The following CPS1 variants were observed in gnomAD, a reference collection of about 807,000 sequenced individuals.
The protein encoded by CPS1 is carbamoyl-phosphate synthase [ammonia], mitochondrial.
In CPS1, 109 loss-of-function variants were observed where a neutral mutation model predicts 174.6. That is an observed-to-expected ratio of 0.62 (90% CI 0.53 to 0.73). The LOEUF (loss-of-function observed/expected upper bound fraction) is 0.73, where lower values mean the gene tolerates loss of function less well. CPS1 is among the 30% of genes least tolerant of loss of function. CPS1 has a pLI of 0.00. For synonymous variants in CPS1, 637 were observed against 632.0 expected, an observed-to-expected ratio of 1.01 and a Z score of -0.12; for missense variants, 1,689 against 1,821.9, an observed-to-expected ratio of 0.93 and a Z score of 1.33.
At chr2:210,660,450 T>A (rs1700880129) in intron 31 of CPS1, 35 bp from the exon 32 acceptor site, 1 of 1,601,308 alleles carries the variant, frequency 6.2e-7, no homozygotes, top group Non-Finnish European at 8.6e-7. Context: ...TGGCTCTCAA[T>A]GTCCTCTTTC....
upstream of CPS1, among the ~76,000 whole-genome samples, chr2:210,554,552 G>A (rs1696840266): frequency 6.6e-6 from 1 of 151,808 alleles, no homozygotes; most frequent in African/African-American, 2.4e-5. Flanking sequence ...TAAAACATAA[G>A]TGATGAAGGG....
rs539687642 is a variant in CPS1 at position 210,584,091 on chromosome 2, A to G, written c.621+1382A>G. Among the ~76,000 whole-genome samples the G allele has an allele frequency of 2.0e-5, 3 of 152,250 alleles. No individual in the cohort carries two copies. In the South Asian group the frequency reaches 6.2e-4, roughly 32 times the overall value. On this transcript the variant is annotated intron_variant, in intron 6 of 37. Coordinates refer to ENST00000233072, the MANE Select transcript of CPS1 (RefSeq NM_001875.5). ...GGATACTGCTATGAAATTTTTTTAA[A>G]GAAAAGTTTTTGATCCGCTTTGAAA...
rs754713465 is a variant in CPS1 at position 210,675,851 on chromosome 2, G to A, written c.4274+11G>A. ...CTCTTCCATCAGAAAGTAAGAACTAGGCATACTGTTTTCTGAAATAATTTA... is the reference window on the plus strand; with the variant it reads ...CTCTTCCATCAGAAAGTAAGAACTAAGCATACTGTTTTCTGAAATAATTTA... On this transcript the variant is annotated intron_variant, in intron 36 of 37. Transcript: ENST00000233072. The A allele has an allele frequency of 1.7e-6, 2 of 1,171,876 alleles. No individual in the cohort carries two copies. The highest frequency in any genetic ancestry group is 1.7e-5 in the Admixed American group (1 of 59,414). The allele number at this position is 1,171,876 out of a possible 1,614,324, so 72.6% of individuals were successfully genotyped here.
chr2:210,595,664 A>T (rs1445296140), intron 13 of CPS1, 82 bp downstream of exon 13: 3 of 949,802 alleles, frequency 3.2e-6, no homozygotes, highest in Non-Finnish European at 5.1e-6. Context: ...GATTTATGAC[A>T]CTACCTCTTT....
At chr2:210,638,481 C>T (rs1700104624) in intron 22 of CPS1, among the ~76,000 whole-genome samples, 2 of 152,146 alleles carry the variant, frequency 1.3e-5, no homozygotes, top group African/African-American at 4.8e-5. Flanking sequence ...TGACTTTTCA[C>T]TGTGTGCTCA....
At chr2:210,651,494 C>T (rs115899924) in intron 28 of CPS1, among the ~76,000 whole-genome samples, 293 of 152,310 alleles carry the variant, frequency 1.9e-3, no homozygotes, top group African/African-American at 6.6e-3. Context: ...CAACTGTCTT[C>T]TCTATTTTAT....
intron 13 of CPS1, among the ~76,000 whole-genome samples, chr2:210,598,121 G>T (rs988890546): frequency 5.3e-5 from 8 of 151,614 alleles, no homozygotes; most frequent in African/African-American, 1.9e-4. Flanking sequence ...AGGTCTGGGG[G>T]TTAACATGTG....
chr2:210,594,776 G>C (rs1698433063), intron 12 of CPS1, among the ~76,000 whole-genome samples, 170 bp downstream of exon 12: 1 of 151,920 alleles, frequency 6.6e-6, no homozygotes, highest in African/African-American at 2.4e-5. Flanking sequence ...TCTTGATGAT[G>C]TCTAGTGGAA....
At chr2:210,673,465 C>T (rs757357546) in intron 34 of CPS1, 2 of 152,076 alleles carry the variant, frequency 1.3e-5, no homozygotes, top group African/African-American at 2.4e-5. Flanking sequence ...ACCTGGGGTC[C>T]TAGGAAAGAC....
intron 4 of CPS1, 95 bp downstream of exon 4, chr2:210,577,605 T>C: frequency 1.1e-6 from 1 of 920,102 alleles, no homozygotes; most frequent in East Asian, 2.4e-5. Context: ...GAAGATCATG[T>C]AGTTTGGGAT....
At chr2:210,551,642 T>G (rs538961257), upstream of CPS1, among the ~76,000 whole-genome samples, 1 of 152,068 alleles carries the variant, frequency 6.6e-6, no homozygotes, top group Admixed American at 6.6e-5. Flanking sequence ...TTTTACAAGG[T>G]CTCTTTTCCA....
intron 1 of CPS1, among the ~76,000 whole-genome samples, chr2:210,480,508 T>C (rs1410980374): frequency 6.6e-6 from 1 of 152,162 alleles, no homozygotes; most frequent in Non-Finnish European, 1.5e-5. Context: ...TCCTTTTGCC[T>C]CTAACCTCCT....
rs1327541322 is a variant in CPS1 at position 210,677,955 on chromosome 2, C to T, written c.4473C>T (p.Tyr1491=). Residue 1491 remains tyrosine (Y), a synonymous_variant, in exon 38 of 38, where the codon TAC becomes TAT. Coordinates refer to ENST00000233072, the MANE Select transcript of CPS1 (RefSeq NM_001875.5). ...RKVDSKSLFH[Y]RQYSAGKAA ...TGGACTCCAAGAGTCTTTTCCACTACAGGCAGTACAGTGCTGGAAAAGCAG... is the reference window on the plus strand; with the variant it reads ...TGGACTCCAAGAGTCTTTTCCACTATAGGCAGTACAGTGCTGGAAAAGCAG... The T allele has an allele frequency of 6.2e-7, 1 of 1,614,002 alleles. No individual in the cohort carries two copies. Among genetic ancestry groups the T allele is most frequent in the South Asian group, 1.1e-5 (1 of 91,088 alleles).
chr2:210,562,373 G>C (rs1409345177), intron 1 of CPS1, among the ~76,000 whole-genome samples: 1 of 152,158 alleles, frequency 6.6e-6, no homozygotes, highest in Non-Finnish European at 1.5e-5. Context: ...GATTACTGCT[G>C]TTACAGTGCT....
At chr2:210,549,235 T>C (rs1221130611) in intron 1 of CPS1, among the ~76,000 whole-genome samples, 4 of 152,044 alleles carry the variant, frequency 2.6e-5, no homozygotes, top group Non-Finnish European at 5.9e-5. Flanking sequence ...GCAAAATCAT[T>C]TGTTTACTCT....
chr2:210,562,298 C>G lies in CPS1; in HGVS notation c.126+5439C>G, dbSNP rs72934385. ...CATTGGCTTATGTTTAACCAAAGAC[C>G]GATGACTTAATATTAACTTGGAATG... On this transcript the variant is annotated intron_variant, in intron 1 of 37. Coordinates refer to ENST00000233072, the MANE Select transcript of CPS1 (RefSeq NM_001875.5). Among the ~76,000 whole-genome samples, 38 of 152,096 alleles carry G rather than the reference C, an allele frequency of 2.5e-4. No homozygotes were observed. The South Asian group carries it at 2.7e-3, about 11-fold the overall frequency.
At chr2:210,637,168 A>T (rs1260081763) in intron 21 of CPS1, among the ~76,000 whole-genome samples, 1 of 152,096 alleles carries the variant, frequency 6.6e-6, no homozygotes, top group South Asian at 2.1e-4. Context: ...AGAGGGAGAG[A>T]GGGAAGACAA....
At chr2:210,552,732 GAC>G (rs898459923), upstream of CPS1, among the ~76,000 whole-genome samples, 28 of 151,832 alleles carry the variant, frequency 1.8e-4, no homozygotes, top group African/African-American at 6.3e-4. Context: ...AATCAGTATA[GAC>G]ACAGGCTGTC....
At chr2:210,601,253 AC>A (rs2105841504) in intron 15 of CPS1, among the ~76,000 whole-genome samples, 1 of 152,064 alleles carries the variant, frequency 6.6e-6, no homozygotes, top group African/African-American at 2.4e-5. Context: ...ATTAACAGTT[AC>A]CAGGAAAAAG....
Sources: allele counts gnomAD v4.1 joint callset (sites outside exome capture counted in the v4.1 genomes callset), GRCh38; gene constraint gnomAD v4.1.1; transcripts MANE v1.5; gene names NCBI Gene and HGNC (gene_info 2026-07-23, HGNC 2026-07-21).